Variants in CRACD observed in about 807,000 individuals in gnomAD.
CRACD encodes capping protein-inhibiting regulator of actin dynamics.
Under a neutral mutation model 106.8 loss-of-function variants are expected in CRACD, and 56 were observed. The observed-to-expected ratio is 0.52, with a 90% CI of 0.42 to 0.66. CRACD has a LOEUF of 0.66. Among genes scored for constraint, CRACD ranks in the 30% least tolerant of loss-of-function variants. The pLI is 0.00. For missense variants in CRACD, 1,730 were observed against 1,623.2 expected (o/e 1.07, Z -1.13); for synonymous variants, 754 against 670.8 (o/e 1.12, Z -1.92).
At chr4:56,257,526 GAAA>G (rs533700935) in intron 2 of CRACD, among the ~76,000 whole-genome samples, 2 of 123,012 alleles carry the variant, frequency 1.6e-5, no homozygotes, top group Non-Finnish European at 1.7e-5. Context: ...TGTCTCTACA[GAAA>G]AAAAAAAAAA....
intron 5 of CRACD, 41 bp downstream of exon 5, chr4:56,307,740 A>G: frequency 1.2e-6 from 2 of 1,605,054 alleles, no homozygotes; most frequent in Non-Finnish European, 1.7e-6. Context: ...CTCATAAACC[A>G]GGGCAGGACA....
chr4:56,314,230 C>T lies in CRACD; in HGVS notation c.728C>T (p.Ala243Val). 1 of 1,596,734 alleles carries T rather than the reference C, an allele frequency of 6.3e-7. No homozygotes were observed. The highest frequency in any genetic ancestry group is 1.8e-5 in the Admixed American group (1 of 55,766). The change falls in exon 8 of 11, where the codon GCC (alanine) becomes GTC (valine). Residue 243 changes from alanine (A) to valine (V), a missense_variant. Transcript: ENST00000682029. The surrounding 1 kb of genome is among the most constrained non-coding windows in gnomAD (Gnocchi z 4.4). ...AKCKRQKAEA[A>V]EKRRLEEQRL... is the part of the protein sequence containing the mutation. ...TGCAAGCGGCAAAAGGCGGAAGCAGCCGAGAAGAGACGCCTAGAGGAGCAG... is the reference window on the plus strand; with the variant it reads ...TGCAAGCGGCAAAAGGCGGAAGCAGTCGAGAAGAGACGCCTAGAGGAGCAG...
chr4:56,096,027 G>A (rs1252894582), intron 1 of CRACD, among the ~76,000 whole-genome samples: 3 of 152,160 alleles, frequency 2.0e-5, no homozygotes, highest in Non-Finnish European at 2.9e-5. Context: ...TTAGAAGGGT[G>A]GAGTTGGTTT....
At chr4:56,197,840 G>A (rs1284332031) in intron 2 of CRACD, among the ~76,000 whole-genome samples, 1 of 152,030 alleles carries the variant, frequency 6.6e-6, no homozygotes, top group Admixed American at 6.6e-5. Context: ...ATCACGCCCG[G>A]CTAATTTTTT....
chr4:56,277,146 A>G (rs1044033551), intron 3 of CRACD, among the ~76,000 whole-genome samples: 4 of 152,216 alleles, frequency 2.6e-5, no homozygotes, highest in African/African-American at 9.6e-5. Context: ...CTGTGAGGCC[A>G]GTGTTATCCT....
At chr4:56,292,738 A>T (rs1187018209) in intron 3 of CRACD, among the ~76,000 whole-genome samples, 2 of 152,170 alleles carry the variant, frequency 1.3e-5, no homozygotes, top group African/African-American at 4.8e-5. Flanking sequence ...GTCAACCAGG[A>T]TGGTCTCCAT....
Position 56,272,101 on chromosome 4 carries a change from G to A in CRACD, c.-188-220G>A, listed in dbSNP as rs73817459. On this transcript the variant is annotated intron_variant, in intron 2 of 10. Transcript: ENST00000682029. Reference sequence around the variant, plus strand: ...TTTCTTGGGAGCCTGGGGGACAGACGATTCACCATGCCTTTGGCTCGTGCT... The same window carrying A: ...TTTCTTGGGAGCCTGGGGGACAGACAATTCACCATGCCTTTGGCTCGTGCT... Among the ~76,000 whole-genome samples, 237 of 152,284 alleles carry A rather than the reference G, an allele frequency of 1.6e-3. 1 individual carries two copies. Among genetic ancestry groups the A allele is most frequent in the African/African-American group, 5.3e-3 (222 of 41,556 alleles).
chr4:56,069,285 C>T (rs1460490050), intron 1 of CRACD, among the ~76,000 whole-genome samples: 7 of 152,174 alleles, frequency 4.6e-5, no homozygotes, highest in Admixed American at 3.9e-4. Flanking sequence ...TAGACATTGG[C>T]GTGTCCATGT....
intron 1 of CRACD, among the ~76,000 whole-genome samples, chr4:56,167,164 A>G (rs1350479234): frequency 6.6e-6 from 1 of 152,224 alleles, no homozygotes; most frequent in South Asian, 2.1e-4. Context: ...TTATTATACA[A>G]TTTATGAAAT....
intron 1 of CRACD, among the ~76,000 whole-genome samples, chr4:56,173,661 A>G (rs529726999): frequency 4.6e-5 from 7 of 152,326 alleles, no homozygotes; most frequent in African/African-American, 1.7e-4. Flanking sequence ...ATATTTGTCA[A>G]TTTGCCCACT....
chr4:56,234,339 A>G (rs1422525593), intron 2 of CRACD, among the ~76,000 whole-genome samples: 1 of 152,108 alleles, frequency 6.6e-6, no homozygotes, highest in African/African-American at 2.4e-5. Flanking sequence ...AAATGGAATT[A>G]CTCTGGCTTC....
At chr4:56,188,684 T>TCACA (rs755350704) in intron 2 of CRACD, among the ~76,000 whole-genome samples, 1,202 of 99,750 alleles carry the variant, frequency 0.012, 24 homozygotes, top group African/African-American at 0.041. Flanking sequence ...TCTCTCTCTC[T>TCACA]CTCACACACA....
At position 56,094,132 on chromosome 4, in the gene CRACD, G is replaced by A. The variant is rs368766865; in HGVS notation, c.-336+44833G>A. On this transcript the variant is annotated intron_variant, in intron 1 of 10. Coordinates refer to ENST00000682029, the MANE Select transcript of CRACD (RefSeq NM_001393381.1). The stretch of plus-strand genomic sequence containing the variant: ...TTTTACTGTTTTATTAAATATCTGA[G>A]GGATTTAAAAATTGTAGTTGAAAGG... Among the ~76,000 whole-genome samples the A allele has an allele frequency of 4.7e-4, 71 of 152,174 alleles. No homozygotes were observed. The South Asian group carries it at 0.013, about 29-fold the overall frequency.
At chr4:56,224,229 C>T (rs1340314321) in intron 2 of CRACD, among the ~76,000 whole-genome samples, 1 of 152,008 alleles carries the variant, frequency 6.6e-6, no homozygotes, top group Non-Finnish European at 1.5e-5. Flanking sequence ...CTATCTGAGG[C>T]CACACTATGC....
In CRACD at chr4:56,307,554, T is replaced by C. The variant is rs1744815087; in HGVS notation, c.140T>C (p.Ile47Thr). 6.2e-7 allele frequency: 1 copy of C among 1,614,114 alleles called. No individual in the cohort carries two copies. The highest frequency in any genetic ancestry group is 8.5e-7 in the Non-Finnish European group (1 of 1,180,020). The change falls in exon 5 of 11, where the codon ATC becomes ACC. Residue 47 changes from isoleucine (I) to threonine (T), a missense_variant. Around this residue, in one of 5 missense-constraint regions of CRACD, gnomAD observed 1,620 missense variants for 1,481.6 expected, o/e 1.09. Transcript: ENST00000682029. Reference sequence around the variant, plus strand: ...CTCCAGCAACAGTTGGGCAAGAATATCAAGTTTGGGCAGCGGTCACCCAAT... The same window carrying C: ...CTCCAGCAACAGTTGGGCAAGAATACCAAGTTTGGGCAGCGGTCACCCAAT... ...KTLQQQLGKN[I>T]KFGQRSPNAI...
chr4:56,127,142 C>T (rs1241086368), intron 1 of CRACD, among the ~76,000 whole-genome samples: 1 of 152,148 alleles, frequency 6.6e-6, no homozygotes, highest in Non-Finnish European at 1.5e-5. Flanking sequence ...CCTTCTGCCT[C>T]CTGCCATATG....
intron 1 of CRACD, among the ~76,000 whole-genome samples, chr4:56,174,864 G>A (rs2109427509): frequency 6.6e-6 from 1 of 152,322 alleles, no homozygotes; most frequent in South Asian, 2.1e-4. Flanking sequence ...CAGGAAGCAT[G>A]ATTGGGAGGC....
Position 56,307,539 on chromosome 4 carries a change from A to T in CRACD, c.125A>T (p.Gln42Leu), listed in dbSNP as rs1560529042. 10 of 1,613,988 alleles carry T rather than the reference A, an allele frequency of 6.2e-6. No homozygotes were observed. Among genetic ancestry groups the T allele is most frequent in the Non-Finnish European group, 8.5e-6 (10 of 1,180,012 alleles). Residue 42 changes from glutamine to leucine, a missense_variant, in exon 5 of 11, where the codon CAG becomes CTG. Gln to Leu is a moderately radical substitution (Grantham distance 113). Around this residue, in one of 5 missense-constraint regions of CRACD, gnomAD observed 1,620 missense variants for 1,481.6 expected, o/e 1.09. Transcript: ENST00000682029. ...ILGKVKTLQQ[Q>L]LGKNIKFGQR... ...CTTTCTTCTGTTTCTCTCCAGCAAC[A>T]GTTGGGCAAGAATATCAAGTTTGGG...
intron 2 of CRACD, among the ~76,000 whole-genome samples, chr4:56,269,187 G>C (rs1048799108): frequency 2.6e-5 from 4 of 151,880 alleles, no homozygotes; most frequent in Non-Finnish European, 5.9e-5. Context: ...GTTGGAGATC[G>C]GCCTGGCCAA....
Sources: gnomAD v4.1 joint callset for allele counts (sites outside exome capture counted in the v4.1 genomes callset) on GRCh38, gnomAD v4.1.1 for gene constraint, gnomAD v4.1.1 regional missense constraint, Gnocchi (gnomAD v3.1) non-coding constraint, MANE v1.5 for transcripts, NCBI Gene and HGNC (gene_info 2026-07-23, HGNC 2026-07-21) for gene names.